ELAPOR1: variants seen among roughly 807,000 people sequenced by gnomAD.
ELAPOR1 encodes the protein endosome-lysosome associated apoptosis and autophagy regulator 1.
Under a neutral mutation model 119.7 loss-of-function variants are expected in ELAPOR1, and 77 were observed. The observed-to-expected ratio is 0.64, with a 90% confidence interval of 0.54 to 0.78. ELAPOR1 has a LOEUF of 0.78. Among genes scored for constraint, ELAPOR1 ranks in the 30% least tolerant of loss-of-function variants. The pLI, the probability that ELAPOR1 is intolerant of heterozygous loss-of-function variation, is 0.00. For synonymous variants in ELAPOR1, 481 were observed against 487.2 expected, an observed-to-expected ratio of 0.99 and a Z score of 0.17; for missense variants, 1,115 against 1,270.4, an observed-to-expected ratio of 0.88 and a Z score of 1.86.
intron 13 of ELAPOR1, 62 bp from the exon 14 acceptor site, chr1:109,192,549 G>A: frequency 6.5e-7 from 1 of 1,541,754 alleles, no homozygotes; most frequent in South Asian, 1.2e-5. Context: ...CTTTCTAGAG[G>A]CCTCAATTGT....
intron 1 of ELAPOR1, chr1:109,161,475 G>C (rs565007250): frequency 4.7e-4 from 71 of 152,474 alleles, no homozygotes; most frequent in African/African-American, 1.5e-3. Flanking sequence ...TCTGTGAGGA[G>C]CCTTTGTAAA....
chr1:109,171,796 G>A, intron 3 of ELAPOR1, 70 bp from the exon 4 acceptor site: 1 of 1,514,228 alleles, frequency 6.6e-7, no homozygotes, highest in Non-Finnish European at 9.1e-7. Flanking sequence ...CAGAACATGA[G>A]ACCTGCACAT....
chr1:109,141,306 G>A (rs571687), intron 1 of ELAPOR1, among the ~76,000 whole-genome samples: 100,299 of 151,952 alleles, frequency 0.66, 33,978 homozygotes, highest in East Asian at 0.92. Context: ...TGTTGCCCAG[G>A]CTGGAATGCA....
intron 7 of ELAPOR1, among the ~76,000 whole-genome samples, chr1:109,181,142 A>T (rs770926502): frequency 9.2e-5 from 14 of 152,192 alleles, no homozygotes; most frequent in Non-Finnish European, 2.1e-4. Flanking sequence ...AGCTTCACAA[A>T]AGCATGAGCT....
At chr1:109,185,430 C>G (rs1017702638) in intron 8 of ELAPOR1, among the ~76,000 whole-genome samples, 1 of 152,060 alleles carries the variant, frequency 6.6e-6, no homozygotes, top group Non-Finnish European at 1.5e-5. Context: ...CGAGCCACTC[C>G]GGCAGAGCCT....
intron 1 of ELAPOR1, among the ~76,000 whole-genome samples, chr1:109,153,505 T>C (rs1018300822): frequency 2.0e-5 from 3 of 152,216 alleles, no homozygotes; most frequent in Non-Finnish European, 4.4e-5. Flanking sequence ...CAAAACTATA[T>C]ACCATATGAT....
At chr1:109,174,125 G>A (rs1020247000) in intron 7 of ELAPOR1, among the ~76,000 whole-genome samples, 3 of 145,788 alleles carry the variant, frequency 2.1e-5, no homozygotes, top group Non-Finnish European at 4.5e-5. Flanking sequence ...CAATCCTCCC[G>A]CCTCAGCCTC....
intron 14 of ELAPOR1, among the ~76,000 whole-genome samples, chr1:109,193,214 T>C (rs1764834): frequency 0.7 from 106,733 of 151,998 alleles, 38,974 homozygotes; most frequent in East Asian, 1. Flanking sequence ...TATTCAAAAA[T>C]GTTCAATCCA....
chr1:109,162,251 A>G (rs1252362384), intron 2 of ELAPOR1, among the ~76,000 whole-genome samples: 1 of 152,252 alleles, frequency 6.6e-6, no homozygotes, highest in African/African-American at 2.4e-5. Flanking sequence ...AAATCCCATC[A>G]GTGGATACAG....
At chr1:109,196,334 T>C (rs1458743994) in intron 15 of ELAPOR1, among the ~76,000 whole-genome samples, 1 of 152,158 alleles carries the variant, frequency 6.6e-6, no homozygotes, top group African/African-American at 2.4e-5. Flanking sequence ...TAGAGATAGG[T>C]GTCTCTATCT....
At chr1:109,184,194 A>C (rs1652914693) in intron 7 of ELAPOR1, among the ~76,000 whole-genome samples, 2 of 152,146 alleles carry the variant, frequency 1.3e-5, no homozygotes, top group Admixed American at 1.3e-4. Context: ...CAACATGGAG[A>C]AACTCCGTCT....
rs74857843 is a variant in ELAPOR1, at chr1:109,186,006, G to T, written c.1041+873G>T. On this transcript the variant is annotated intron_variant, in intron 8 of 21. Coordinates refer to ENST00000369939, the MANE Select transcript of ELAPOR1 (RefSeq NM_020775.5). ...TGGAGCTTAACTCTTGTTGGGGAGG[G>T]AGTGGAGAGAGAGATAATAGACAAC... is the stretch of plus-strand genomic sequence containing the variant. 2.2e-4 allele frequency among the ~76,000 whole-genome samples: 33 copies of T among 152,212 alleles called. No individual in the cohort carries two copies. The East Asian group carries it at 6.2e-3, about 28-fold the overall frequency.
intron 3 of ELAPOR1, 133 bp from the exon 4 acceptor site, chr1:109,171,733 A>G (rs1570679760): frequency 1.1e-6 from 1 of 914,012 alleles, no homozygotes; most frequent in Middle Eastern, 3.4e-4. Context: ...GAGCATTTTC[A>G]GGTCCAAGTT....
At chr1:109,150,954 C>CTTAGAGGATCTG (rs1650497799) in intron 1 of ELAPOR1, among the ~76,000 whole-genome samples, 1 of 151,942 alleles carries the variant, frequency 6.6e-6, no homozygotes, top group African/African-American at 2.4e-5. Context: ...TAATAGACTC[C>CTTAGAGGATCTG]TTAGAGGATC....
At chr1:109,128,212 G>A (rs1648918145) in intron 1 of ELAPOR1, among the ~76,000 whole-genome samples, 1 of 152,094 alleles carries the variant, frequency 6.6e-6, no homozygotes, top group Non-Finnish European at 1.5e-5. Flanking sequence ...AAACTATGCA[G>A]CATGAAAAAT....
At chr1:109,120,702 T>G (rs145753014) in intron 1 of ELAPOR1, among the ~76,000 whole-genome samples, 2,711 of 152,274 alleles carry the variant, frequency 0.018, 89 homozygotes, top group African/African-American at 0.062. Flanking sequence ...TCTTCACAAG[T>G]AATGCTGTTT....
intron 1 of ELAPOR1, among the ~76,000 whole-genome samples, chr1:109,147,976 C>T (rs189952644): frequency 0.021 from 3,189 of 149,124 alleles, 44 homozygotes; most frequent in Non-Finnish European, 0.034. Flanking sequence ...ACTACAGGTG[C>T]CCGCCACCAC....
intron 21 of ELAPOR1, among the ~76,000 whole-genome samples, chr1:109,201,599 A>G (rs1654177887): frequency 6.6e-6 from 1 of 152,150 alleles, no homozygotes; most frequent in African/African-American, 2.4e-5. Flanking sequence ...GAGGGCGGAA[A>G]GAGGGAGGAG....
In ELAPOR1 at chr1:109,203,102, A is replaced by T. The variant is rs973243517; in HGVS notation, c.*90A>T. Reference sequence around the variant, plus strand: ...TGGGTGCCAGCATCCTGCAACACCCACTGCTGGAAATCTCTTCATTGTGGC... The same window carrying T: ...TGGGTGCCAGCATCCTGCAACACCCTCTGCTGGAAATCTCTTCATTGTGGC... On this transcript the variant is annotated 3_prime_UTR_variant, in exon 22 of 22. Transcript: ENST00000369939. 2.2e-5 allele frequency: 18 copies of T among 802,776 alleles called. No homozygotes were observed. Among genetic ancestry groups the T allele is most frequent in the Non-Finnish European group, 2.1e-5 (10 of 470,078 alleles). The allele number at this position is 802,776 out of a possible 1,614,324, so 49.7% of individuals were successfully genotyped here. A position where few individuals can be genotyped will look rare whatever the true frequency, so the allele number is the denominator to read the frequency against.
Sources: gnomAD v4.1 joint callset for allele counts (sites outside exome capture counted in the v4.1 genomes callset) on GRCh38, gnomAD v4.1.1 for gene constraint, MANE v1.5 for transcripts, NCBI Gene and HGNC (gene_info 2026-07-23, HGNC 2026-07-21) for gene names.